Variants in BBOX1 observed in about 807,000 individuals in gnomAD.
The protein encoded by BBOX1 is gamma-butyrobetaine hydroxylase 1, also known as gamma-butyrobetaine dioxygenase.
In BBOX1, 35 loss-of-function variants were observed where a neutral mutation model predicts 41.6. The observed-to-expected ratio is 0.84, with a 90% CI of 0.64 to 1.11. The LOEUF (loss-of-function observed/expected upper bound fraction) is 1.11, where lower values mean the gene tolerates loss of function less well. BBOX1 is among the 50% of genes most tolerant of loss of function. The pLI is 0.00. For missense variants in BBOX1, 458 were observed against 460.6 expected (o/e 0.99, Z 0.05); for synonymous variants, 163 against 154.7 (o/e 1.05, Z -0.40).
At chr11:27,043,459 C>CAGAATCTGCAGGTTTGGGGTACAT (rs1564948369) in intron 2 of BBOX1, among the ~76,000 whole-genome samples, 1 of 151,306 alleles carries the variant, frequency 6.6e-6, no homozygotes, top group Non-Finnish European at 1.5e-5. Flanking sequence ...TTGGGGTACA[C>CAGAATCTGCAGGTTTGGGGTACAT]GTGCAGAATG....
chr11:27,085,294 G>C (rs1254419298), intron 4 of BBOX1, among the ~76,000 whole-genome samples: 1 of 152,086 alleles, frequency 6.6e-6, no homozygotes, highest in South Asian at 2.1e-4. Flanking sequence ...TTGAAGGCTT[G>C]TAGCAACACG....
chr11:27,116,866 TA>T (rs929896341), intron 6 of BBOX1, among the ~76,000 whole-genome samples: 10 of 152,112 alleles, frequency 6.6e-5, no homozygotes, highest in Middle Eastern at 6.8e-3. Flanking sequence ...AAATGCATTA[TA>T]AACTGTGTGA....
At chr11:27,044,672 A>T (rs1851440081) in intron 2 of BBOX1, among the ~76,000 whole-genome samples, 1 of 152,148 alleles carries the variant, frequency 6.6e-6, no homozygotes, top group Non-Finnish European at 1.5e-5. Flanking sequence ...TTTTCCCAAC[A>T]CCATTTATTA....
intron 4 of BBOX1, among the ~76,000 whole-genome samples, chr11:27,086,829 G>A (rs977731805): frequency 6.6e-5 from 10 of 152,060 alleles, no homozygotes; most frequent in Non-Finnish European, 1.0e-4. Flanking sequence ...ATTCATGGGA[G>A]GAGGTAAAAA....
chr11:27,062,650 C>CG (rs1564958361), intron 4 of BBOX1, among the ~76,000 whole-genome samples: 2 of 151,986 alleles, frequency 1.3e-5, no homozygotes, highest in Non-Finnish European at 2.9e-5. Flanking sequence ...CCTCTGCCCC[C>CG]GGGTTCAAGT....
intron 7 of BBOX1, among the ~76,000 whole-genome samples, chr11:27,120,551 A>C (rs1859426829): frequency 6.6e-6 from 1 of 152,132 alleles, no homozygotes; most frequent in African/African-American, 2.4e-5. Context: ...ATCATATATT[A>C]CCTACACAGA....
intron 2 of BBOX1, among the ~76,000 whole-genome samples, chr11:27,042,546 A>G (rs941244007): frequency 2.0e-5 from 3 of 152,100 alleles, no homozygotes; most frequent in Non-Finnish European, 4.4e-5. Context: ...TGGGGGTCTC[A>G]CTATATTGTC....
chr11:27,050,728 G>T (rs759292839), intron 2 of BBOX1, among the ~76,000 whole-genome samples: 1 of 152,058 alleles, frequency 6.6e-6, no homozygotes, highest in Non-Finnish European at 1.5e-5. Flanking sequence ...AGTTCTAAAA[G>T]TTTTTTCTGC....
intron 5 of BBOX1, among the ~76,000 whole-genome samples, chr11:27,111,681 T>C (rs1324204978): frequency 6.6e-6 from 1 of 151,914 alleles, no homozygotes; most frequent in Non-Finnish European, 1.5e-5. Context: ...TTAATACTTT[T>C]TCATAAATAA....
intron 5 of BBOX1, among the ~76,000 whole-genome samples, chr11:27,107,519 G>A (rs1858913399): frequency 6.6e-6 from 1 of 152,032 alleles, no homozygotes; most frequent in Non-Finnish European, 1.5e-5. Context: ...TGTTGAGCTT[G>A]CCTCTTCAGT....
chr11:27,062,530 C>G (rs1247909391), intron 4 of BBOX1, among the ~76,000 whole-genome samples: 36 of 152,012 alleles, frequency 2.4e-4, no homozygotes, highest in Admixed American at 2.4e-3. Context: ...TTCTCAAATG[C>G]CTACAAGTTT....
At chr11:27,097,173 A>C (rs559699415) in intron 5 of BBOX1, among the ~76,000 whole-genome samples, 1 of 136,924 alleles carries the variant, frequency 7.3e-6, no homozygotes, top group African/African-American at 3.3e-5. Context: ...TTTAGCACAA[A>C]GTTTTTACAG....
chr11:27,078,294 T>C (rs537429239), intron 4 of BBOX1, among the ~76,000 whole-genome samples: 3 of 152,328 alleles, frequency 2.0e-5, no homozygotes, highest in Non-Finnish European at 2.9e-5. Flanking sequence ...AAGTCTTTCA[T>C]ATACAAATGA....
At chr11:27,053,789 T>A (rs1305719554) in intron 2 of BBOX1, among the ~76,000 whole-genome samples, 8 of 152,274 alleles carry the variant, frequency 5.3e-5, no homozygotes, top group African/African-American at 1.9e-4. Context: ...ACACTATAAT[T>A]TTTGATTATT....
intron 6 of BBOX1, among the ~76,000 whole-genome samples, chr11:27,118,670 AG>A (rs1412504452): frequency 2.0e-5 from 3 of 152,048 alleles, no homozygotes; most frequent in African/African-American, 7.2e-5. Context: ...GTTTTAACCT[AG>A]CAATAAAAGT....
At chr11:27,067,299 T>C (rs960062856) in intron 4 of BBOX1, among the ~76,000 whole-genome samples, 4 of 152,140 alleles carry the variant, frequency 2.6e-5, no homozygotes, top group Non-Finnish European at 5.9e-5. Flanking sequence ...TGGTGGAGTC[T>C]GAGGTTTTAG....
chr11:27,057,131 C>A (rs986435697), intron 3 of BBOX1, 70 bp from the exon 4 acceptor site: 24 of 871,464 alleles, frequency 2.8e-5, no homozygotes, highest in African/African-American at 2.3e-4. Flanking sequence ...AAACAGCATT[C>A]AAAAACAGAG....
chr11:27,055,768 C>A, intron 3 of BBOX1, 119 bp downstream of exon 3: 1 of 833,530 alleles, frequency 1.2e-6, no homozygotes, highest in Non-Finnish European at 1.8e-6. Flanking sequence ...TATGAACCCA[C>A]GTTTGTATAG....
At chr11:27,044,776 T>A (rs2351065) in intron 2 of BBOX1, among the ~76,000 whole-genome samples, 1 of 152,134 alleles carries the variant, frequency 6.6e-6, no homozygotes, top group Non-Finnish European at 1.5e-5. Context: ...GGCCTCTGTT[T>A]TGTTCCATTG....
Sources: allele counts gnomAD v4.1 joint callset (sites outside exome capture counted in the v4.1 genomes callset), GRCh38; gene constraint gnomAD v4.1.1; transcripts MANE v1.5; gene names NCBI Gene and HGNC (gene_info 2026-07-23, HGNC 2026-07-21).